EPM2A: variants seen among roughly 807,000 people sequenced by gnomAD.
EPM2A encodes the protein EPM2A glucan phosphatase, laforin, also known as laforin.
In EPM2A, 21 loss-of-function variants were observed where a neutral mutation model predicts 26.5. The ratio of observed to expected loss-of-function variants is 0.79; its 90% CI spans 0.56 to 1.14. The LOEUF (loss-of-function observed/expected upper bound fraction) is 1.14, where lower values mean the gene tolerates loss of function less well. Ranked by LOEUF, EPM2A falls within the 50% of genes most tolerant of loss-of-function variation. The pLI, the probability that EPM2A is intolerant of heterozygous loss-of-function variation, is 0.00. For missense variants in EPM2A, 458 were observed against 440.8 expected, an observed-to-expected ratio of 1.04 and a Z score of -0.35; for synonymous variants, 217 against 177.6, an observed-to-expected ratio of 1.22 and a Z score of -1.76.
At chr6:145,441,717 C>T (rs1272837403) in intron 4 of EPM2A, among the ~76,000 whole-genome samples, 2 of 152,034 alleles carry the variant, frequency 1.3e-5, no homozygotes, top group Non-Finnish European at 2.9e-5. Context: ...CAAAAATTAG[C>T]TGGGCATGGT....
In EPM2A at chr6:145,627,569, G is replaced by A; in HGVS notation, c.843C>T (p.Leu281=). ...TCAGATTCCAGCCCATCACATACTG[G>A]AGCCAGCCGCAGACAGCCGCGGTGG... ...GRSTAAVCGW[L]QYVMGWNLRK... Residue 281 remains leucine (L), a synonymous_variant, in exon 4 of 4, where the codon CTC becomes CTT. Transcript: ENST00000367519. 1 of 1,614,244 alleles carries A rather than the reference G, an allele frequency of 6.2e-7. No individual in the cohort carries two copies. The highest frequency in any genetic ancestry group is 8.5e-7 in the Non-Finnish European group (1 of 1,180,048).
At chr6:145,538,793 C>A (rs1780469130) in intron 2 of EPM2A, among the ~76,000 whole-genome samples, 1 of 152,204 alleles carries the variant, frequency 6.6e-6, no homozygotes, top group East Asian at 1.9e-4. Context: ...TAAACTCTAG[C>A]TAAACACTTT....
At chr6:145,394,089 C>G (rs533508262) in intron 4 of EPM2A, among the ~76,000 whole-genome samples, 2 of 152,260 alleles carry the variant, frequency 1.3e-5, no homozygotes, top group South Asian at 4.1e-4. Flanking sequence ...TCCCAAAGTG[C>G]TGGGATTACA....
chr6:145,508,859 A>G (rs1209703177), intron 2 of EPM2A, among the ~76,000 whole-genome samples: 2 of 152,218 alleles, frequency 1.3e-5, no homozygotes, highest in African/African-American at 4.8e-5. Flanking sequence ...CAAAATGATC[A>G]AAGACTTGAA....
intron 2 of EPM2A, among the ~76,000 whole-genome samples, chr6:145,556,634 G>A (rs183990280): frequency 3.3e-5 from 5 of 152,238 alleles, no homozygotes; most frequent in Non-Finnish European, 7.4e-5. Flanking sequence ...TAAGCTCTAT[G>A]AAGGATTCCT....
intron 2 of EPM2A, among the ~76,000 whole-genome samples, chr6:145,507,401 C>T (rs1779991110): frequency 6.6e-6 from 1 of 152,172 alleles, no homozygotes; most frequent in Non-Finnish European, 1.5e-5. Context: ...CAGCATTCAG[C>T]TGAAAAGGTG....
At chr6:145,489,647 T>C (rs921913418) in intron 4 of EPM2A, 16 of 1,307,580 alleles carry the variant, frequency 1.2e-5, no homozygotes, top group Non-Finnish European at 1.6e-5. Flanking sequence ...AAAACCAGCA[T>C]AGCTGTTCTG....
intron 4 of EPM2A, among the ~76,000 whole-genome samples, chr6:145,388,352 C>G (rs1778290744): frequency 6.6e-6 from 1 of 152,140 alleles, no homozygotes; most frequent in Non-Finnish European, 1.5e-5. Context: ...CCTCTTCACT[C>G]TACTATAACC....
chr6:145,569,601 C>T (rs998471406), intron 2 of EPM2A, among the ~76,000 whole-genome samples: 2 of 152,206 alleles, frequency 1.3e-5, no homozygotes, highest in South Asian at 2.1e-4. Flanking sequence ...GTTTAAAAGC[C>T]CCCTTTGATT....
intron 4 of EPM2A, among the ~76,000 whole-genome samples, chr6:145,472,609 C>A (rs1027143409): frequency 6.6e-6 from 1 of 152,002 alleles, no homozygotes; most frequent in African/African-American, 2.4e-5. Context: ...CTCAAGGGAA[C>A]ATCAGAGGAA....
At chr6:145,422,135 A>G (rs1778796747) in intron 4 of EPM2A, among the ~76,000 whole-genome samples, 1 of 146,302 alleles carries the variant, frequency 6.8e-6, no homozygotes, top group African/African-American at 2.5e-5. Context: ...ATAGTTATAC[A>G]CATCTCTATA....
chr6:145,540,087 G>C (rs945424936), intron 2 of EPM2A, among the ~76,000 whole-genome samples: 1 of 152,142 alleles, frequency 6.6e-6, no homozygotes, highest in South Asian at 2.1e-4. Context: ...GACCCCCGCC[G>C]TGTCTGCCTC....
chr6:145,493,447 A>G (rs1212331502), intron 4 of EPM2A, among the ~76,000 whole-genome samples: 2 of 152,302 alleles, frequency 1.3e-5, no homozygotes, highest in South Asian at 2.1e-4. Flanking sequence ...AGATAGTTTG[A>G]CTTCCTCTCC....
intron 4 of EPM2A, among the ~76,000 whole-genome samples, chr6:145,415,447 G>A (rs1461825011): frequency 1.3e-5 from 2 of 152,126 alleles, no homozygotes; most frequent in Non-Finnish European, 2.9e-5. Context: ...TTCCCTGAAC[G>A]TGCACATAGG....
At chr6:145,708,354 A>G (rs949535549) in intron 1 of EPM2A, among the ~76,000 whole-genome samples, 8 of 152,206 alleles carry the variant, frequency 5.3e-5, no homozygotes, top group Non-Finnish European at 8.8e-5. Context: ...AGACCTTTGC[A>G]GCAGCCCCTC....
intron 2 of EPM2A, among the ~76,000 whole-genome samples, chr6:145,505,658 G>A (rs1779962496): frequency 6.6e-6 from 1 of 152,014 alleles, no homozygotes; most frequent in African/African-American, 2.4e-5. Context: ...CAAAGTCTTA[G>A]TTGTATATCT....
At chr6:145,674,766 C>T (rs978331199) in intron 2 of EPM2A, among the ~76,000 whole-genome samples, 2 of 151,764 alleles carry the variant, frequency 1.3e-5, no homozygotes, top group Admixed American at 6.6e-5. Context: ...AAAAAGCCTC[C>T]GAGAAATATG....
At chr6:145,490,775 C>T (rs1302356523) in intron 4 of EPM2A, 5 of 563,210 alleles carry the variant, frequency 8.9e-6, no homozygotes, top group South Asian at 1.5e-5. Context: ...TGACAACTGA[C>T]GTTCCACAGT....
chr6:145,640,046 G>C (rs556535820), intron 2 of EPM2A: 2 of 152,284 alleles, frequency 1.3e-5, no homozygotes, highest in South Asian at 4.2e-4. Context: ...AGTGAATCTG[G>C]ATTTGTGGTT....
Sources: gnomAD v4.1 joint callset for allele counts (sites outside exome capture counted in the v4.1 genomes callset) on GRCh38, gnomAD v4.1.1 for gene constraint, MANE v1.5 for transcripts, NCBI Gene and HGNC (gene_info 2026-07-23, HGNC 2026-07-21) for gene names.